The following KIF4A variants were observed in gnomAD, a reference collection of about 807,000 sequenced individuals.
KIF4A encodes the protein kinesin family member 4A, also known as chromosome-associated kinesin KIF4A.
In KIF4A, 7 loss-of-function variants were observed where a neutral mutation model predicts 105.9. The ratio of observed to expected loss-of-function variants is 0.07; its 90% CI spans 0.04 to 0.12. The LOEUF (loss-of-function observed/expected upper bound fraction) is 0.12. Ranked by LOEUF, KIF4A falls within the 10% of genes least tolerant of loss-of-function variation. The pLI is 1.00. For synonymous variants in KIF4A, 281 were observed against 331.3 expected (o/e 0.85, Z 1.65); for missense variants, 558 against 929.2 (o/e 0.60, Z 5.19).
intron 15 of KIF4A, among the ~76,000 whole-genome samples, chrX:70,365,555 T>G (rs1248579985): frequency 6.3e-5 from 7 of 111,973 alleles, no homozygotes; most frequent in African/African-American, 2.3e-4. Flanking sequence ...TTATTGATTT[T>G]CGTATGTTGA....
chrX:70,401,232 A>G (rs1175923802), intron 22 of KIF4A, among the ~76,000 whole-genome samples: 1 of 104,414 alleles, frequency 9.6e-6, no homozygotes. Flanking sequence ...GGCACACGCC[A>G]CCACCCCTAA....
chrX:70,316,568 A>G (rs927722419), intron 7 of KIF4A, among the ~76,000 whole-genome samples: 2 of 111,670 alleles, frequency 1.8e-5, no homozygotes, highest in Non-Finnish European at 3.8e-5. Flanking sequence ...TTGCATATAC[A>G]TATATGTGTA....
chrX:70,335,823 C>T (rs1238486697), intron 10 of KIF4A, among the ~76,000 whole-genome samples: 2 of 111,658 alleles, frequency 1.8e-5, no homozygotes, highest in African/African-American at 6.5e-5. Context: ...TGAGAAACTA[C>T]TTAATGCATA....
intron 11 of KIF4A, 26 bp downstream of exon 11, chrX:70,341,957 G>A (rs1019261583): frequency 3.4e-6 from 4 of 1,193,189 alleles, no homozygotes; most frequent in Non-Finnish European, 4.5e-6. Flanking sequence ...TAAACTACTA[G>A]CAATCTGAAC....
In KIF4A at chrX:70,403,981, G is replaced by C. The variant is rs188086916; in HGVS notation, c.2737G>C (p.Glu913Gln). ...FEERNHFAEI[E>Q]TELQAELVRM... is the part of the protein sequence containing the mutation. ...GGAACGAAATCATTTTGCCGAGATA[G>C]AGACAGAGTTACAAGCTGAGCTGGT... The change falls in exon 24 of 31, where the codon GAG becomes CAG. Residue 913 changes from glutamate (E) to glutamine (Q), a missense_variant. Physicochemically the swap from Glu to Gln is conservative, Grantham distance 29. Transcript: ENST00000374403. The C allele has an allele frequency of 5.0e-6, 6 of 1,211,741 alleles. No homozygotes were observed. The highest frequency in any genetic ancestry group is 6.7e-6 in the Non-Finnish European group (6 of 895,543).
intron 9 of KIF4A, among the ~76,000 whole-genome samples, chrX:70,330,601 A>G (rs1437751622): frequency 8.9e-6 from 1 of 111,787 alleles, no homozygotes; most frequent in Non-Finnish European, 1.9e-5. Flanking sequence ...AGTTCCTTAT[A>G]TGACTTGTTA....
intron 15 of KIF4A, among the ~76,000 whole-genome samples, chrX:70,356,487 C>T (rs1176205569): frequency 1.8e-5 from 2 of 109,857 alleles, no homozygotes; most frequent in African/African-American, 3.3e-5. Context: ...CGCTTGAACC[C>T]GGGAGGTGGA....
intron 13 of KIF4A, among the ~76,000 whole-genome samples, chrX:70,349,035 C>G (rs1244284838): frequency 9.5e-6 from 1 of 105,772 alleles, no homozygotes; most frequent in African/African-American, 3.5e-5. Context: ...ACGCTCCTCA[C>G]CTCCCAGACG....
At chrX:70,323,147 C>T (rs1331319220) in intron 7 of KIF4A, among the ~76,000 whole-genome samples, 1 of 110,981 alleles carries the variant, frequency 9.0e-6, no homozygotes, top group South Asian at 3.8e-4. Context: ...AAATTGCCTT[C>T]CCTCTATCTT....
At chrX:70,303,768 G>A (rs2085813633) in intron 7 of KIF4A, among the ~76,000 whole-genome samples, 1 of 110,262 alleles carries the variant, frequency 9.1e-6, no homozygotes, top group Non-Finnish European at 1.9e-5. Flanking sequence ...GTGGATTTTA[G>A]TATATTCACA....
At chrX:70,357,690 T>TA (rs758178160) in intron 15 of KIF4A, among the ~76,000 whole-genome samples, 180 of 112,793 alleles carry the variant, frequency 1.6e-3, no homozygotes, top group African/African-American at 5.6e-3. Context: ...TTTACAATTC[T>TA]ATAGAAATGT....
intron 7 of KIF4A, among the ~76,000 whole-genome samples, chrX:70,303,383 T>C (rs1052243499): frequency 2.7e-5 from 3 of 112,432 alleles, no homozygotes; most frequent in African/African-American, 9.7e-5. Context: ...ATTTGAACTC[T>C]TATTAAAGCA....
chrX:70,416,345 CTTTTTTTTTT>C (rs376059238), intron 28 of KIF4A, among the ~76,000 whole-genome samples: 1 of 62,774 alleles, frequency 1.6e-5, no homozygotes, highest in Non-Finnish European at 2.8e-5. Context: ...TCTGCACAGT[CTTTTTTTTTT>C]TTTTTTTTTT....
intron 22 of KIF4A, among the ~76,000 whole-genome samples, chrX:70,401,796 G>C (rs895635753): frequency 9.9e-5 from 11 of 111,533 alleles, no homozygotes; most frequent in Non-Finnish European, 2.1e-4. Flanking sequence ...AATTTTTAAG[G>C]GTGTAAAGGG....
chrX:70,330,455 C>A, intron 9 of KIF4A, 123 bp downstream of exon 9: 1 of 628,495 alleles, frequency 1.6e-6, no homozygotes, highest in Non-Finnish European at 2.4e-6. Context: ...TATGTTTGTT[C>A]GGGGACCTCT....
intron 15 of KIF4A, among the ~76,000 whole-genome samples, chrX:70,359,441 C>T (rs766112642): frequency 9.3e-6 from 1 of 107,778 alleles, no homozygotes; most frequent in South Asian, 4.1e-4. Flanking sequence ...CTTTCTTTCT[C>T]TCTCTCTCTC....
intron 7 of KIF4A, among the ~76,000 whole-genome samples, chrX:70,328,404 C>T (rs189028627): frequency 1.8e-5 from 2 of 111,244 alleles, no homozygotes; most frequent in Admixed American, 9.6e-5. Context: ...TTATCAGGCA[C>T]CAATCCCATC....
At position 70,373,529 on chromosome X, in the gene KIF4A, T is replaced by G. The variant is rs1422264236; in HGVS notation, c.1675-622T>G. The stretch of plus-strand genomic sequence containing the variant: ...ATATATACATGTGTGTGTATGTATA[T>G]ATATATATATATATATATATATATA... On this transcript the variant is annotated intron_variant, in intron 15 of 30. Transcript: ENST00000374403. Among the ~76,000 whole-genome samples the G allele has an allele frequency of 1.0e-3, 30 of 29,833 alleles. 3 individuals are homozygous for G. The highest frequency in any genetic ancestry group is 1.3e-3 in the Non-Finnish European group (27 of 21,439). The allele number at this position is 29,833 out of a possible 115,157, so 25.9% of individuals were successfully genotyped here. A position where few individuals can be genotyped will look rare whatever the true frequency, so the allele number is the denominator to read the frequency against.
At chrX:70,295,699 C>T (rs1368756533) in intron 3 of KIF4A, among the ~76,000 whole-genome samples, 1 of 109,223 alleles carries the variant, frequency 9.2e-6, no homozygotes, top group African/African-American at 3.3e-5. Context: ...GGGCGGATCA[C>T]AAGGTCAGGA....
Sources: gnomAD v4.1 joint callset for allele counts (sites outside exome capture counted in the v4.1 genomes callset) on GRCh38, gnomAD v4.1.1 for gene constraint, MANE v1.5 for transcripts, NCBI Gene and HGNC (gene_info 2026-07-23, HGNC 2026-07-21) for gene names.